ERC2: variants seen among roughly 807,000 people sequenced by gnomAD.
ERC2 encodes the protein ELKS/RAB6-interacting/CAST family member 2.
Under a neutral mutation model 114.8 loss-of-function variants are expected in ERC2, and 42 were observed. The ratio of observed to expected loss-of-function variants is 0.37; its 90% CI spans 0.29 to 0.47. The LOEUF is 0.47. Ranked by LOEUF, ERC2 falls within the 20% of genes least tolerant of loss-of-function variation. The pLI is 0.99. For missense variants in ERC2, 939 were observed against 1,150.7 expected (o/e 0.82, Z 2.66); for synonymous variants, 454 against 425.5 (o/e 1.07, Z -0.82).
At chr3:56,056,930 G>C (rs901885750) in intron 7 of ERC2, among the ~76,000 whole-genome samples, 5 of 152,132 alleles carry the variant, frequency 3.3e-5, no homozygotes, top group African/African-American at 9.7e-5. Context: ...CTACGAGGTA[G>C]GTACCATGAT....
intron 7 of ERC2, among the ~76,000 whole-genome samples, chr3:56,043,332 T>G (rs771764464): frequency 1.3e-5 from 2 of 152,174 alleles, no homozygotes; most frequent in Non-Finnish European, 2.9e-5. Context: ...TTGCACACAT[T>G]GAACAGAAAA....
intron 3 of ERC2, among the ~76,000 whole-genome samples, chr3:56,180,413 C>T (rs903252673): frequency 6.6e-6 from 1 of 152,152 alleles, no homozygotes; most frequent in Admixed American, 6.6e-5. Context: ...GTAGAAGCAA[C>T]CCAAATGTCC....
intron 6 of ERC2, among the ~76,000 whole-genome samples, chr3:56,122,520 T>C (rs2079635559): frequency 6.6e-6 from 1 of 152,114 alleles, no homozygotes; most frequent in Admixed American, 6.5e-5. Context: ...TAAAAATAAA[T>C]CAAAGCCATC....
At chr3:56,077,428 G>A (rs1982766) in intron 7 of ERC2, among the ~76,000 whole-genome samples, 30,327 of 152,140 alleles carry the variant, frequency 0.2, 3,415 homozygotes, top group African/African-American at 0.3. Context: ...TCATGTTGCC[G>A]AAAGGAGCCA....
chr3:56,439,406 A>G (rs959448962), intron 1 of ERC2, among the ~76,000 whole-genome samples: 16 of 152,212 alleles, frequency 1.1e-4, no homozygotes, highest in African/African-American at 3.9e-4. Context: ...TAACTGCACC[A>G]CTGCACTCCA....
At chr3:56,083,578 T>C (rs1472528166) in intron 6 of ERC2, among the ~76,000 whole-genome samples, 1 of 152,194 alleles carries the variant, frequency 6.6e-6, no homozygotes, top group Non-Finnish European at 1.5e-5. Flanking sequence ...GAAAAATATA[T>C]GAATACATAA....
intron 17 of ERC2, among the ~76,000 whole-genome samples, chr3:55,533,685 CA>C (rs1385179670): frequency 5.9e-5 from 9 of 152,122 alleles, no homozygotes; most frequent in Non-Finnish European, 1.0e-4. Context: ...ATCAGGATGC[CA>C]GCAAACCAAA....
intron 3 of ERC2, among the ~76,000 whole-genome samples, chr3:56,183,696 T>C (rs2083422704): frequency 6.6e-6 from 1 of 152,124 alleles, no homozygotes; most frequent in Non-Finnish European, 1.5e-5. Context: ...AATCCCTGCC[T>C]TCACGGAGCT....
chr3:55,748,424 T>C (rs538693791), intron 14 of ERC2, among the ~76,000 whole-genome samples: 1 of 152,256 alleles, frequency 6.6e-6, no homozygotes, highest in African/African-American at 2.4e-5. Flanking sequence ...CCATCCCTGC[T>C]TCTCTAACAG....
intron 14 of ERC2, among the ~76,000 whole-genome samples, chr3:55,875,489 C>A (rs1319583354): frequency 1.3e-5 from 2 of 152,186 alleles, no homozygotes; most frequent in Non-Finnish European, 2.9e-5. Context: ...TCAAACACTG[C>A]ATTTCAATTT....
intron 6 of ERC2, among the ~76,000 whole-genome samples, chr3:56,137,671 C>G (rs1022383086): frequency 6.6e-6 from 1 of 152,212 alleles, no homozygotes; most frequent in Non-Finnish European, 1.5e-5. Context: ...AAAGCAGGCT[C>G]AGGGCCAGAT....
At chr3:55,838,212 A>C (rs2060983109) in intron 14 of ERC2, among the ~76,000 whole-genome samples, 1 of 152,086 alleles carries the variant, frequency 6.6e-6, no homozygotes, top group South Asian at 2.1e-4. Context: ...ACTTTGACTT[A>C]ATTGACATTT....
At chr3:56,465,097 C>T (rs191702141) in intron 1 of ERC2, among the ~76,000 whole-genome samples, 71 of 152,200 alleles carry the variant, frequency 4.7e-4, no homozygotes, top group Non-Finnish European at 8.7e-4. Flanking sequence ...GTAGCTTTTC[C>T]AACATAACAA....
chr3:56,029,169 C>A (rs528391969), intron 7 of ERC2, among the ~76,000 whole-genome samples: 2 of 151,954 alleles, frequency 1.3e-5, no homozygotes, highest in Non-Finnish European at 1.5e-5. Flanking sequence ...CCATATTATT[C>A]TTTTTAAACA....
intron 1 of ERC2, among the ~76,000 whole-genome samples, chr3:56,439,173 T>G (rs2062169364): frequency 6.6e-6 from 1 of 152,152 alleles, no homozygotes; most frequent in African/African-American, 2.4e-5. Flanking sequence ...TGGCAGGGAA[T>G]GTTGACTCCT....
intron 6 of ERC2, among the ~76,000 whole-genome samples, chr3:56,112,033 T>G (rs2078988357): frequency 6.6e-6 from 1 of 152,244 alleles, no homozygotes; most frequent in Non-Finnish European, 1.5e-5. Flanking sequence ...GAATAAAAAT[T>G]TGAAACATCT....
chr3:56,399,111 G>A (rs187542277), intron 2 of ERC2, among the ~76,000 whole-genome samples: 14 of 152,276 alleles, frequency 9.2e-5, no homozygotes, highest in Admixed American at 2.6e-4. Context: ...CCTTCCTACC[G>A]CAGGGCTCAA....
chr3:56,109,638 G>A (rs1450267856), intron 6 of ERC2, among the ~76,000 whole-genome samples: 2 of 152,180 alleles, frequency 1.3e-5, no homozygotes, highest in East Asian at 3.8e-4. Flanking sequence ...CATCTCTTGG[G>A]TAGAATGAAT....
chr3:55,971,395 C>G (rs13074256), intron 12 of ERC2, among the ~76,000 whole-genome samples: 96,769 of 152,000 alleles, frequency 0.64, 31,457 homozygotes, highest in Middle Eastern at 0.68. Context: ...AAATTAAATG[C>G]TATAAAAAAG....
Sources: allele counts gnomAD v4.1 joint callset (sites outside exome capture counted in the v4.1 genomes callset), GRCh38; gene constraint gnomAD v4.1.1; transcripts MANE v1.5; gene names NCBI Gene and HGNC (gene_info 2026-07-23, HGNC 2026-07-21).